Variants in PALLD observed in about 807,000 individuals in gnomAD.
The protein encoded by PALLD is palladin.
Under a neutral mutation model 123.5 loss-of-function variants are expected in PALLD, and 61 were observed. The ratio of observed to expected loss-of-function variants is 0.49; its 90% confidence interval spans 0.40 to 0.61. PALLD has a LOEUF of 0.61. PALLD is among the 20% of genes least tolerant of loss of function. The probability of loss-of-function intolerance (pLI) is 0.00; values close to 1 mark genes in which losing one functional copy is unlikely to be tolerated. For synonymous variants in PALLD, 465 were observed against 496.4 expected, an observed-to-expected ratio of 0.94 and a Z score of 0.84; for missense variants, 1,273 against 1,377.0, an observed-to-expected ratio of 0.92 and a Z score of 1.20.
chr4:168,611,686 T>C (rs1327295162), intron 2 of PALLD, among the ~76,000 whole-genome samples: 1 of 152,184 alleles, frequency 6.6e-6, no homozygotes, highest in Non-Finnish European at 1.5e-5. Context: ...AAGTTTTGCC[T>C]TTCTGGTACC....
At chr4:168,797,799 A>G (rs1194724884) in intron 10 of PALLD, among the ~76,000 whole-genome samples, 2 of 152,086 alleles carry the variant, frequency 1.3e-5, no homozygotes, top group Non-Finnish European at 2.9e-5. Flanking sequence ...ACCGATTGCC[A>G]TATTAGCTCC....
chr4:168,602,766 A>G (rs1772796761), intron 2 of PALLD, among the ~76,000 whole-genome samples: 3 of 152,094 alleles, frequency 2.0e-5, no homozygotes, highest in Admixed American at 1.3e-4. Flanking sequence ...TACCAACTTG[A>G]ATATATACAG....
At chr4:168,826,798 C>T (rs1471387260) in intron 10 of PALLD, among the ~76,000 whole-genome samples, 3 of 152,170 alleles carry the variant, frequency 2.0e-5, no homozygotes, top group Non-Finnish European at 4.4e-5. Context: ...ATACCTTAAC[C>T]TCCACTTCAC....
chr4:168,830,659 A>G (rs2150845662), intron 10 of PALLD, among the ~76,000 whole-genome samples: 1 of 152,386 alleles, frequency 6.6e-6, no homozygotes, highest in Non-Finnish European at 1.5e-5. Flanking sequence ...TGGGAGTAAA[A>G]TCACAGGGAC....
rs1781533581 is a variant in PALLD at position 168,681,415 on chromosome 4, C to T, written c.1154+17C>T. 6.6e-7 allele frequency: 1 copy of T among 1,507,682 alleles called. No homozygotes were observed. Among genetic ancestry groups the T allele is most frequent in the East Asian group, 2.3e-5 (1 of 44,362 alleles). The allele number at this position is 1,507,682 out of a possible 1,614,324, so 93.4% of individuals were successfully genotyped here. On this transcript the variant is annotated intron_variant, in intron 4 of 21. Coordinates refer to ENST00000505667, the MANE Select transcript of PALLD (RefSeq NM_001166108.2). ...TATGCCACAGTAAGTGCCTACAATT[C>T]CATCGATTATGTGGAAACAAAGAAT...
intron 2 of PALLD, among the ~76,000 whole-genome samples, chr4:168,549,439 C>T (rs1022176841): frequency 3.3e-5 from 5 of 151,996 alleles, no homozygotes; most frequent in Non-Finnish European, 7.4e-5. Context: ...TATTTAAATG[C>T]TCACTCATTT....
At chr4:168,576,414 T>G (rs1379403096) in intron 2 of PALLD, among the ~76,000 whole-genome samples, 1 of 151,756 alleles carries the variant, frequency 6.6e-6, no homozygotes, top group Admixed American at 6.6e-5. Context: ...GGCCCTGGTG[T>G]GTGATGTTCC....
chr4:168,876,335 C>G (rs1024198642), intron 10 of PALLD, among the ~76,000 whole-genome samples: 1 of 152,218 alleles, frequency 6.6e-6, no homozygotes, highest in African/African-American at 2.4e-5. Flanking sequence ...CCAAACCACA[C>G]AGACATCTGG....
At chr4:168,787,687 A>G (rs1168287159) in intron 10 of PALLD, among the ~76,000 whole-genome samples, 2 of 152,238 alleles carry the variant, frequency 1.3e-5, no homozygotes, top group African/African-American at 2.4e-5. Context: ...ACACTTGTGT[A>G]TAAAAAGGCA....
intron 10 of PALLD, among the ~76,000 whole-genome samples, chr4:168,778,690 G>GT (rs1486513715): frequency 2.0e-5 from 3 of 152,176 alleles, no homozygotes; most frequent in Non-Finnish European, 4.4e-5. Flanking sequence ...CCTTACTTGC[G>GT]TAAGGAAACT....
Position 168,815,403 on chromosome 4 carries a change from A to G in PALLD, c.1965-75519A>G, listed in dbSNP as rs572214944. Among the ~76,000 whole-genome samples, 9 of 152,360 alleles carry G rather than the reference A, an allele frequency of 5.9e-5. No homozygotes were observed. The South Asian group carries it at 1.9e-3, about 32-fold the overall frequency. On this transcript the variant is annotated intron_variant, in intron 10 of 21. Transcript: ENST00000505667. ...AGATTCTAACTGGTGGAAATAGTTG[A>G]AAGTATATTTGTCACTTACACCTTG... is the stretch of plus-strand genomic sequence containing the variant.
At chr4:168,614,855 G>T (rs559201492) in intron 2 of PALLD, among the ~76,000 whole-genome samples, 2 of 152,180 alleles carry the variant, frequency 1.3e-5, no homozygotes, top group South Asian at 4.1e-4. Flanking sequence ...ATCAGTGTGG[G>T]ATGGTAACAT....
At chr4:168,620,354 C>T (rs1774640669) in intron 2 of PALLD, among the ~76,000 whole-genome samples, 1 of 152,088 alleles carries the variant, frequency 6.6e-6, no homozygotes, top group Admixed American at 6.5e-5. Context: ...ACTCAGGAGG[C>T]TGAGGCAGGA....
At chr4:168,710,039 A>G (rs1784684984) in intron 9 of PALLD, among the ~76,000 whole-genome samples, 1 of 152,166 alleles carries the variant, frequency 6.6e-6, no homozygotes, top group Admixed American at 6.5e-5. Flanking sequence ...GAAACTTCTG[A>G]AAAGGTAATA....
intron 2 of PALLD, among the ~76,000 whole-genome samples, chr4:168,581,139 T>C (rs1770228259): frequency 6.6e-6 from 1 of 151,858 alleles, no homozygotes. Context: ...AAAGTTACAA[T>C]ATTAAAAAAA....
At chr4:168,607,777 T>A (rs999687823) in intron 2 of PALLD, among the ~76,000 whole-genome samples, 2 of 149,912 alleles carry the variant, frequency 1.3e-5, no homozygotes, top group South Asian at 2.1e-4. Context: ...AAAAAAAAAA[T>A]TGGCTGCAAG....
intron 10 of PALLD, among the ~76,000 whole-genome samples, chr4:168,810,575 G>A (rs1221977990): frequency 1.3e-5 from 2 of 151,606 alleles, no homozygotes; most frequent in African/African-American, 4.9e-5. Flanking sequence ...AGAAGGTGGT[G>A]GTGGTTGCAG....
intron 10 of PALLD, among the ~76,000 whole-genome samples, chr4:168,874,511 G>A (rs760071498): frequency 7.2e-5 from 11 of 152,178 alleles, no homozygotes; most frequent in Non-Finnish European, 1.3e-4. Context: ...CAAGTTTGAA[G>A]TCAGATATTC....
chr4:168,529,922 C>T (rs147161131), intron 2 of PALLD, among the ~76,000 whole-genome samples: 2,284 of 152,194 alleles, frequency 0.015, 54 homozygotes, highest in African/African-American at 0.052. Flanking sequence ...AAACCCAGCC[C>T]CCGTACAATA....
Sources: gnomAD v4.1 joint callset for allele counts (sites outside exome capture counted in the v4.1 genomes callset) on GRCh38, gnomAD v4.1.1 for gene constraint, MANE v1.5 for transcripts, NCBI Gene and HGNC (gene_info 2026-07-23, HGNC 2026-07-21) for gene names.